The following DIRAS2 variants were observed in gnomAD, a reference collection of about 807,000 sequenced individuals.
DIRAS2 encodes DIRAS family GTPase 2.
DIRAS2 carries 5 observed loss-of-function variants against 13.9 expected under a neutral mutation model. The ratio of observed to expected loss-of-function variants is 0.36; its 90% CI spans 0.19 to 0.76. The LOEUF (loss-of-function observed/expected upper bound fraction) is 0.76. Ranked by LOEUF, DIRAS2 falls within the 30% of genes least tolerant of loss-of-function variation. DIRAS2 has a pLI of 0.53. For missense variants in DIRAS2, 191 were observed against 263.0 expected (o/e 0.73, Z 1.89); for synonymous variants, 111 against 105.4 (o/e 1.05, Z -0.33).
At chr9:90,631,334 G>A (rs746756592) in intron 1 of DIRAS2, among the ~76,000 whole-genome samples, 4 of 152,218 alleles carry the variant, frequency 2.6e-5, no homozygotes, top group Admixed American at 6.5e-5. Context: ...AAAGGGGCCG[G>A]GACAGGCAGG....
At chr9:90,630,027 A>G (rs1010575663) in intron 1 of DIRAS2, among the ~76,000 whole-genome samples, 9 of 152,214 alleles carry the variant, frequency 5.9e-5, no homozygotes, top group Admixed American at 2.6e-4. Context: ...ACTTTGATAC[A>G]TATATTCTTC....
chr9:90,612,508 T>C lies in DIRAS2; in HGVS notation c.*720A>G, dbSNP rs914700959. ...TTGCGATGTTTTAATACTGTCACGA[T>C]ATCCTCACTTAAAAACTGAAGAACT... On this transcript the variant is annotated 3_prime_UTR_variant, in exon 2 of 2. Coordinates refer to ENST00000375765, the MANE Select transcript of DIRAS2 (RefSeq NM_017594.5). 6.6e-6 allele frequency: 1 copy of C among 152,306 alleles called. No homozygotes were observed. Among genetic ancestry groups the C allele is most frequent in the Non-Finnish European group, 1.5e-5 (1 of 68,102 alleles). 9.4% of individuals were successfully genotyped at this position (152,306 alleles called of 1,614,324 possible). A position where few individuals can be genotyped will look rare whatever the true frequency, so the allele number is the denominator to read the frequency against.
intron 1 of DIRAS2, among the ~76,000 whole-genome samples, chr9:90,628,786 A>G (rs1221495473): frequency 6.6e-6 from 1 of 152,072 alleles, no homozygotes; most frequent in Non-Finnish European, 1.5e-5. Flanking sequence ...GGCTCAAGCA[A>G]TCCACTTCCC....
intron 1 of DIRAS2, among the ~76,000 whole-genome samples, chr9:90,629,055 C>T (rs1359100486): frequency 2.0e-5 from 3 of 151,604 alleles, no homozygotes; most frequent in African/African-American, 7.3e-5. Context: ...GGGGTTTCAC[C>T]GTGTAAGCCA....
Position 90,610,266 on chromosome 9 carries a change from T to C in DIRAS2, c.*2962A>G. ...TAAATATTACAAACAGTGAAACAAA[T>C]ATACTAGCTTACAGATATGTACAAT... On this transcript the variant is annotated 3_prime_UTR_variant, in exon 2 of 2. Transcript: ENST00000375765. 2.5e-6 allele frequency: 1 copy of C among 395,190 alleles called. No individual in the cohort carries two copies. Among genetic ancestry groups the C allele is most frequent in the Non-Finnish European group, 4.5e-6 (1 of 224,662 alleles). The allele number at this position is 395,190 out of a possible 1,614,324, so 24.5% of individuals were successfully genotyped here.
At chr9:90,630,737 CT>C (rs888637310) in intron 1 of DIRAS2, among the ~76,000 whole-genome samples, 1 of 152,160 alleles carries the variant, frequency 6.6e-6, no homozygotes, top group African/African-American at 2.4e-5. Flanking sequence ...CTAGGTAGGT[CT>C]TCAGTAGCAT....
At chr9:90,629,036 A>G (rs1825299581) in intron 1 of DIRAS2, among the ~76,000 whole-genome samples, 1 of 151,776 alleles carries the variant, frequency 6.6e-6, no homozygotes, top group East Asian at 2.0e-4. Context: ...TTGTATTTTT[A>G]GTAGAGACGG....
chr9:90,628,127 C>T (rs969951099), intron 1 of DIRAS2, among the ~76,000 whole-genome samples: 8 of 152,086 alleles, frequency 5.3e-5, no homozygotes, highest in Non-Finnish European at 1.2e-4. Context: ...AAATGCACAC[C>T]TTCATGCTGG....
chr9:90,610,031 T>C lies in DIRAS2; in HGVS notation c.*3197A>G, dbSNP rs1007357955. 5.8e-6 allele frequency: 1 copy of C among 171,178 alleles called. No homozygotes were observed. The highest frequency in any genetic ancestry group is 6.3e-5 in the Admixed American group (1 of 15,866). The allele number at this position is 171,178 out of a possible 1,614,324, so 10.6% of individuals were successfully genotyped here. On this transcript the variant is annotated 3_prime_UTR_variant, in exon 2 of 2. Transcript: ENST00000375765. ...TCCCACACATATAAAAGTCATGCTC[T>C]GCAAATACTTTGTATACACACTGTC... is the stretch of plus-strand genomic sequence containing the variant.
intron 1 of DIRAS2, among the ~76,000 whole-genome samples, chr9:90,618,402 C>T (rs138719048): frequency 2.3e-4 from 35 of 152,280 alleles, no homozygotes; most frequent in African/African-American, 7.9e-4. Flanking sequence ...ACACCATACA[C>T]AAAACTGACT....
chr9:90,632,225 C>T (rs1250468432), intron 1 of DIRAS2, among the ~76,000 whole-genome samples: 3 of 152,192 alleles, frequency 2.0e-5, no homozygotes, highest in Admixed American at 6.5e-5. Flanking sequence ...GTCTCCCTGA[C>T]AGTAACAGCT....
At chr9:90,641,777 A>C (rs1231656752) in intron 1 of DIRAS2, among the ~76,000 whole-genome samples, 2 of 152,288 alleles carry the variant, frequency 1.3e-5, no homozygotes, top group East Asian at 3.9e-4. Flanking sequence ...CTCAAAAATA[A>C]TATTTTTGAA....
intron 1 of DIRAS2, among the ~76,000 whole-genome samples, chr9:90,641,633 C>G (rs1467409506): frequency 1.3e-5 from 2 of 152,082 alleles, no homozygotes; most frequent in Non-Finnish European, 2.9e-5. Flanking sequence ...TAAATTTATT[C>G]TAATTTTATC....
chr9:90,616,256 C>T (rs1322149785), intron 1 of DIRAS2, among the ~76,000 whole-genome samples: 1 of 152,064 alleles, frequency 6.6e-6, no homozygotes, highest in Non-Finnish European at 1.5e-5. Flanking sequence ...ATTCATTTAC[C>T]CAGAGAAATA....
At chr9:90,629,307 T>C (rs899021290) in intron 1 of DIRAS2, among the ~76,000 whole-genome samples, 3 of 152,186 alleles carry the variant, frequency 2.0e-5, no homozygotes, top group Non-Finnish European at 2.9e-5. Context: ...TAATAACACA[T>C]AATGCTTAGT....
chr9:90,628,522 TACAC>T (rs71360439), intron 1 of DIRAS2, among the ~76,000 whole-genome samples: 31,975 of 149,088 alleles, frequency 0.21, 3,852 homozygotes, highest in East Asian at 0.32. Context: ...ACAAAATTTA[TACAC>T]ACACACACAC....
At chr9:90,627,019 T>C (rs1436281487) in intron 1 of DIRAS2, among the ~76,000 whole-genome samples, 1 of 152,186 alleles carries the variant, frequency 6.6e-6, no homozygotes, top group Non-Finnish European at 1.5e-5. Context: ...AGATCCCTTA[T>C]GGCTTGGTGC....
intron 1 of DIRAS2, among the ~76,000 whole-genome samples, chr9:90,638,981 G>T (rs1326359011): frequency 6.6e-6 from 1 of 152,096 alleles, no homozygotes; most frequent in Non-Finnish European, 1.5e-5. Flanking sequence ...AGATGGTAAA[G>T]GAGGAAGGGC....
intron 1 of DIRAS2, among the ~76,000 whole-genome samples, chr9:90,626,964 A>G (rs555486716): frequency 4.6e-5 from 7 of 152,278 alleles, no homozygotes; most frequent in Admixed American, 6.5e-5. Context: ...GTAAGCCCCA[A>G]TGCTGGAGGT....
Sources: allele counts gnomAD v4.1 joint callset (sites outside exome capture counted in the v4.1 genomes callset), GRCh38; gene constraint gnomAD v4.1.1; transcripts MANE v1.5; gene names NCBI Gene and HGNC (gene_info 2026-07-23, HGNC 2026-07-21).